Variants in KLF5 observed in about 807,000 individuals in gnomAD.
KLF5 encodes the protein Krueppel-like factor 5.
A neutral mutation model predicts 36.9 loss-of-function variants in KLF5; 9 were observed. The ratio of observed to expected loss-of-function variants is 0.24; its 90% confidence interval spans 0.15 to 0.43. The LOEUF is 0.43. KLF5 is among the 20% of genes least tolerant of loss of function. The pLI is 1.00. For missense variants in KLF5, 524 were observed against 599.5 expected, an observed-to-expected ratio of 0.87 and a Z score of 1.31; for synonymous variants, 246 against 241.7, an observed-to-expected ratio of 1.02 and a Z score of -0.17.
chr13:73,073,956 A>T (rs958590999), intron 3 of KLF5, among the ~76,000 whole-genome samples: 6 of 152,154 alleles, frequency 3.9e-5, no homozygotes, highest in African/African-American at 1.4e-4. Flanking sequence ...GGGAGAAAAA[A>T]CTTCTAGAAT....
chr13:73,068,736 A>G (rs1315644827), intron 3 of KLF5, among the ~76,000 whole-genome samples: 1 of 149,720 alleles, frequency 6.7e-6, no homozygotes, highest in Non-Finnish European at 1.5e-5. Flanking sequence ...ATTCCTTTCT[A>G]GGTCTTTGCT....
At position 73,075,874 on chromosome 13, in the gene KLF5, G is replaced by A; in HGVS notation, c.1362G>A (p.Arg454=). ...RSDHLALHMK[R]HQN ...ACCACCTGGCCCTGCATATGAAGAGGCACCAGAACTGAGCACTGCCCGTGT... is the reference window on the plus strand; with the variant it reads ...ACCACCTGGCCCTGCATATGAAGAGACACCAGAACTGAGCACTGCCCGTGT... Residue 454 remains arginine (R), a synonymous_variant, in exon 4 of 4, where the codon AGG becomes AGA. Transcript: ENST00000377687. The A allele has an allele frequency of 6.3e-7, 1 of 1,596,702 alleles. No homozygotes were observed. The highest frequency in any genetic ancestry group is 8.6e-7 in the Non-Finnish European group (1 of 1,166,202).
Position 73,063,841 on chromosome 13 carries a change from A to G in KLF5, c.1153A>G (p.Thr385Ala). ...TATTTTAGGTTGCACAAAAGTTTAT[A>G]CCAAGTCTTCTCATTTAAAAGCTCA... ...CDYPGCTKVY[T>A]KSSHLKAHLR... The change falls in exon 3 of 4, where the codon ACC becomes GCC. Residue 385 changes from threonine (T) to alanine (A), a missense_variant. Transcript: ENST00000377687. The G allele has an allele frequency of 6.2e-7, 1 of 1,608,448 alleles. No homozygotes were observed. The highest frequency in any genetic ancestry group is 8.5e-7 in the Non-Finnish European group (1 of 1,174,992).
rs11335137 is a variant in KLF5 at position 73,059,774 on chromosome 13, TGG to T, written c.261+196_261+197del. 1,062 of 380,248 alleles carry T rather than the reference TGG, an allele frequency of 2.8e-3. 4 individuals carry two copies. The highest frequency in any genetic ancestry group is 0.012 in the South Asian group (111 of 9,394). 23.6% of individuals were successfully genotyped at this position (380,248 alleles called of 1,614,324 possible). ...GGCCCCGCGTTTCGCTGAGAGTAAA[TGG>T]GGGGGGGGGCCGGGGGTGGGAAGGA... On this transcript the variant is annotated intron_variant, in intron 1 of 3. Transcript: ENST00000377687.
At chr13:73,073,154 T>C (rs78578703) in intron 3 of KLF5, among the ~76,000 whole-genome samples, 9,011 of 152,320 alleles carry the variant, frequency 0.059, 337 homozygotes, top group East Asian at 0.094. Flanking sequence ...CCAGAAGTAC[T>C]GTGCATAGTG....
At position 73,075,698 on chromosome 13, in the gene KLF5, G is replaced by T. The variant is rs144505256; in HGVS notation, c.1196-10G>T. ...GCAGGCCGCTTTACCTCCTTTGTTC[G>T]TTGTCACAGGTGAAAAGCCATACAA... On this transcript the variant is annotated splice_polypyrimidine_tract_variant and intron_variant, in intron 3 of 3. Transcript: ENST00000377687. 6.4e-6 allele frequency: 10 copies of T among 1,568,138 alleles called. No individual in the cohort carries two copies. The highest frequency in any genetic ancestry group is 8.7e-6 in the Non-Finnish European group (10 of 1,144,880).
chr13:73,059,470 G>A lies in KLF5; in HGVS notation c.143G>A (p.Gly48Asp). Residue 48 changes from glycine (G) to aspartate (D), a missense_variant, in exon 1 of 4, where the codon GGC becomes GAC. By Grantham distance (94) the Gly-to-Asp change is moderately conservative. Transcript: ENST00000377687. ...NPARDAALFP[G>D]EELKHAHHRP... The stretch of plus-strand genomic sequence containing the variant: ...GCCCGCGACGCGGCGCTCTTCCCCG[G>A]CGAGGAGCTGAAGCACGCGCACCAC... 1 of 1,272,616 alleles carries A rather than the reference G, an allele frequency of 7.9e-7. No individual in the cohort carries two copies. Among genetic ancestry groups the A allele is most frequent in the Non-Finnish European group, 9.9e-7 (1 of 1,009,988 alleles). 78.8% of individuals were successfully genotyped at this position (1,272,616 alleles called of 1,614,324 possible).
intron 2 of KLF5, among the ~76,000 whole-genome samples, chr13:73,063,162 G>A (rs1438185012): frequency 6.6e-6 from 1 of 152,116 alleles, no homozygotes; most frequent in Admixed American, 6.5e-5. Context: ...AAGTAGGGTG[G>A]GGGAAAATAA....
chr13:73,067,714 C>CT (rs1566565243), intron 3 of KLF5, among the ~76,000 whole-genome samples: 1 of 152,128 alleles, frequency 6.6e-6, no homozygotes, highest in Non-Finnish European at 1.5e-5. Flanking sequence ...GCATTGGACT[C>CT]TGTGTGTACT....
chr13:73,059,777 G>GA (rs1247343001), intron 1 of KLF5, 189 bp downstream of exon 1: 6 of 741,296 alleles, frequency 8.1e-6, no homozygotes, highest in Non-Finnish European at 9.9e-6. Flanking sequence ...GAGTAAATGG[G>GA]GGGGGGGGCC....
intron 3 of KLF5, among the ~76,000 whole-genome samples, chr13:73,075,258 G>A (rs1490570534): frequency 1.3e-5 from 2 of 152,146 alleles, no homozygotes; most frequent in South Asian, 2.1e-4. Context: ...AACAGCTTCT[G>A]AATTTTTTCC....
chr13:73,067,500 T>G lies in KLF5; in HGVS notation c.1195+3617T>G, dbSNP rs147664657. Among the ~76,000 whole-genome samples, 8 of 152,334 alleles carry G rather than the reference T, an allele frequency of 5.3e-5. No individual in the cohort carries two copies. In the East Asian group the frequency reaches 1.5e-3, roughly 29 times the overall value. On this transcript the variant is annotated intron_variant, in intron 3 of 3. Transcript: ENST00000377687. ...ATGTTTGAAGTCCTAGCGGTTCCCT[T>G]CATGTGCGTGGATATACACTTAACC...
rs1441554539 is a variant in KLF5, at chr13:73,059,078, C to T, written c.-250C>T. On this transcript the variant is annotated 5_prime_UTR_variant, in exon 1 of 4. Coordinates refer to ENST00000377687, the MANE Select transcript of KLF5 (RefSeq NM_001730.5). ...GGTGGCGGGAGCGGGCTCCGGAGAG[C>T]CTGAGAGCACGGTGGGGCGGGGCGG... 1 of 350,896 alleles carries T rather than the reference C, an allele frequency of 2.8e-6. No individual in the cohort carries two copies. Among genetic ancestry groups the T allele is most frequent in the Non-Finnish European group, 5.1e-6 (1 of 196,056 alleles). The allele number at this position is 350,896 out of a possible 1,614,324, so 21.7% of individuals were successfully genotyped here.
chr13:73,063,560 G>A (rs942069637), intron 2 of KLF5, among the ~76,000 whole-genome samples: 1 of 152,134 alleles, frequency 6.6e-6, no homozygotes. Context: ...GCACCTACTG[G>A]AATATAAACA....
chr13:73,062,772 A>AGTGTGTGTGT (rs113148226), intron 2 of KLF5, 38 bp downstream of exon 2: 16 of 1,438,922 alleles, frequency 1.1e-5, no homozygotes, highest in Non-Finnish European at 1.4e-5. Context: ...CAATAGATGT[A>AGTGTGTGTGT]GTGTGTGTGT....
intron 3 of KLF5, among the ~76,000 whole-genome samples, chr13:73,068,684 A>G (rs1351770114): frequency 2.0e-5 from 3 of 146,722 alleles, no homozygotes; most frequent in Non-Finnish European, 4.5e-5. Context: ...AGCCTGGGCA[A>G]CAGAGTGAGA....
chr13:73,062,038 A>G lies in KLF5; in HGVS notation c.439A>G (p.Arg147Gly). Residue 147 changes from arginine (R) to glycine (G), a missense_variant, in exon 2 of 4, where the codon AGA becomes GGA. Coordinates refer to ENST00000377687, the MANE Select transcript of KLF5 (RefSeq NM_001730.5). ...NVFLPDITHL[R>G]TGLYKSQRPC... The stretch of plus-strand genomic sequence containing the variant: ...CTTCCTCCCTGACATCACTCACCTG[A>G]GAACTGGCCTCTACAAATCCCAGAG... 6.2e-7 allele frequency: 1 copy of G among 1,614,154 alleles called. No individual in the cohort carries two copies. The highest frequency in any genetic ancestry group is 8.5e-7 in the Non-Finnish European group (1 of 1,180,034).
At chr13:73,062,837 A>G (rs1190002836) in intron 2 of KLF5, 103 bp downstream of exon 2, 1 of 960,512 alleles carries the variant, frequency 1.0e-6, no homozygotes, top group African/African-American at 1.6e-5. Flanking sequence ...GCCCTTTTCA[A>G]CCTCATGGCT....
At position 73,062,667 on chromosome 13, in the gene KLF5, T is replaced by C. The variant is rs143687310; in HGVS notation, c.1068T>C (p.Pro356=). ...TLPVNSQNIQ[P]VRYNRRSNPD... ...CAGTTAACTCACAAAACATCCAACC[T>C]GTCAGATACAATAGAAGGAGTAACC... The change falls in exon 2 of 4, where the codon CCT becomes CCC. Residue 356 remains proline, a synonymous_variant. Coordinates refer to ENST00000377687, the MANE Select transcript of KLF5 (RefSeq NM_001730.5). The C allele has an allele frequency of 6.8e-5, 110 of 1,613,998 alleles. No homozygotes were observed. The highest frequency in any genetic ancestry group is 1.6e-4 in the Middle Eastern group (1 of 6,084).
Sources: allele counts gnomAD v4.1 joint callset (sites outside exome capture counted in the v4.1 genomes callset), GRCh38; gene constraint gnomAD v4.1.1; transcripts MANE v1.5; gene names NCBI Gene and HGNC (gene_info 2026-07-23, HGNC 2026-07-21).